Variants in LHFPL6 observed in about 807,000 individuals in gnomAD.
LHFPL6 encodes LHFPL tetraspan subfamily member 6 protein.
In LHFPL6, 9 loss-of-function variants were observed where a neutral mutation model predicts 20.6. That is an observed-to-expected ratio of 0.44 (90% CI 0.26 to 0.76). The LOEUF is 0.76. Among genes scored for constraint, LHFPL6 ranks in the 30% least tolerant of loss-of-function variants. The pLI, the probability that LHFPL6 is intolerant of heterozygous loss-of-function variation, is 0.20. For missense variants in LHFPL6, 218 were observed against 253.5 expected, an observed-to-expected ratio of 0.86 and a Z score of 0.95; for synonymous variants, 105 against 98.7, an observed-to-expected ratio of 1.06 and a Z score of -0.38.
intron 1 of LHFPL6, among the ~76,000 whole-genome samples, chr13:39,602,452 A>G (rs1009822570): frequency 1.3e-5 from 2 of 152,110 alleles, no homozygotes; most frequent in African/African-American, 2.4e-5. Flanking sequence ...AACTGCAGTC[A>G]GGGCTGAAGT....
At chr13:39,367,821 C>A (rs574093271) in intron 3 of LHFPL6, among the ~76,000 whole-genome samples, 6 of 152,300 alleles carry the variant, frequency 3.9e-5, no homozygotes, top group African/African-American at 1.4e-4. Context: ...GGTCTGGAGA[C>A]CTTAAGTTAA....
At chr13:39,373,897 GA>G (rs1870221755) in intron 3 of LHFPL6, among the ~76,000 whole-genome samples, 2 of 152,172 alleles carry the variant, frequency 1.3e-5, no homozygotes, top group African/African-American at 4.8e-5. Context: ...AGGCTATGGA[GA>G]AAAATGAATG....
intron 2 of LHFPL6, among the ~76,000 whole-genome samples, chr13:39,387,924 G>C (rs1870608478): frequency 6.6e-6 from 1 of 152,164 alleles, no homozygotes; most frequent in East Asian, 1.9e-4. Context: ...ACAAGGGATG[G>C]GCTCTTGGAA....
At chr13:39,362,942 AGAG>A (rs1409018821) in intron 3 of LHFPL6, among the ~76,000 whole-genome samples, 2 of 152,240 alleles carry the variant, frequency 1.3e-5, no homozygotes, top group Non-Finnish European at 2.9e-5. Flanking sequence ...GGAGCTGCCC[AGAG>A]GATGAGGGAA....
At chr13:39,400,978 G>A (rs1341401066) in intron 2 of LHFPL6, among the ~76,000 whole-genome samples, 1 of 151,976 alleles carries the variant, frequency 6.6e-6, no homozygotes, top group East Asian at 1.9e-4. Flanking sequence ...AAGTATTATA[G>A]AAAATTATAA....
intron 3 of LHFPL6, among the ~76,000 whole-genome samples, chr13:39,353,705 G>C (rs973615881): frequency 1.3e-5 from 2 of 152,136 alleles, no homozygotes; most frequent in African/African-American, 4.8e-5. Flanking sequence ...TCCAGCCTGG[G>C]CAACAGAACA....
intron 2 of LHFPL6, among the ~76,000 whole-genome samples, chr13:39,521,986 C>T (rs1335140252): frequency 6.6e-6 from 1 of 152,160 alleles, no homozygotes; most frequent in Non-Finnish European, 1.5e-5. Flanking sequence ...CCATTGGCTT[C>T]CCGATTGCTT....
chr13:39,531,390 C>T (rs745618215), intron 2 of LHFPL6, among the ~76,000 whole-genome samples: 2 of 151,992 alleles, frequency 1.3e-5, no homozygotes, highest in African/African-American at 2.4e-5. Flanking sequence ...CCTTTGGACA[C>T]ATAAAATTTT....
intron 2 of LHFPL6, among the ~76,000 whole-genome samples, chr13:39,510,877 T>TC (rs1374863434): frequency 1.3e-5 from 2 of 151,974 alleles, no homozygotes; most frequent in African/African-American, 4.8e-5. Flanking sequence ...TTTAAATTTT[T>TC]TTTTTTTCTT....
chr13:39,347,590 T>TC (rs2138333923), intron 3 of LHFPL6, among the ~76,000 whole-genome samples: 1 of 151,938 alleles, frequency 6.6e-6, no homozygotes, highest in African/African-American at 2.4e-5. Flanking sequence ...TGGGTAGGTC[T>TC]CACTGGCACA....
chr13:39,532,556 T>C (rs552426134), intron 2 of LHFPL6, among the ~76,000 whole-genome samples: 1 of 152,312 alleles, frequency 6.6e-6, no homozygotes, highest in East Asian at 1.9e-4. Flanking sequence ...CATGTATATA[T>C]CCCATGGGAC....
intron 2 of LHFPL6, among the ~76,000 whole-genome samples, chr13:39,425,251 T>G (rs1404872486): frequency 6.6e-6 from 1 of 152,224 alleles, no homozygotes; most frequent in Non-Finnish European, 1.5e-5. Flanking sequence ...TATCAATAGT[T>G]CATTCATCTT....
chr13:39,564,614 A>G (rs887404856), intron 2 of LHFPL6, among the ~76,000 whole-genome samples: 3 of 152,210 alleles, frequency 2.0e-5, no homozygotes, highest in African/African-American at 7.2e-5. Context: ...AAATTGCACT[A>G]CGCTATTATA....
chr13:39,345,091 T>G (rs1471255088), intron 3 of LHFPL6, among the ~76,000 whole-genome samples: 1 of 152,252 alleles, frequency 6.6e-6, no homozygotes, highest in African/African-American at 2.4e-5. Context: ...GGTCTTACCA[T>G]CTTATCAGAT....
intron 2 of LHFPL6, among the ~76,000 whole-genome samples, chr13:39,384,366 C>T (rs1247950656): frequency 6.6e-6 from 1 of 152,152 alleles, no homozygotes; most frequent in Non-Finnish European, 1.5e-5. Context: ...CAAATGTTAA[C>T]TAATTGTCTT....
chr13:39,549,218 A>G (rs1046951268), intron 2 of LHFPL6, among the ~76,000 whole-genome samples: 4 of 152,206 alleles, frequency 2.6e-5, no homozygotes, highest in Non-Finnish European at 5.9e-5. Flanking sequence ...CTGATTTTCA[A>G]CGAAAGTGCA....
rs142856585 is a variant in LHFPL6 at position 39,552,704 on chromosome 13, G to A, written c.385+48128C>T. Among the ~76,000 whole-genome samples, 764 of 152,316 alleles carry A rather than the reference G, an allele frequency of 5.0e-3. 5 individuals are homozygous for A. The highest frequency in any genetic ancestry group is 0.014 in the Admixed American group (212 of 15,304). ...GTAGGGACCAAGCACACCTTGCCAA[G>A]GGCAACATCTTGCAATGCACCAGCA... On this transcript the variant is annotated intron_variant, in intron 2 of 3. Transcript: ENST00000379589.
intron 2 of LHFPL6, among the ~76,000 whole-genome samples, chr13:39,518,988 G>C (rs945771368): frequency 6.6e-6 from 1 of 152,238 alleles, no homozygotes; most frequent in Non-Finnish European, 1.5e-5. Flanking sequence ...TGTAATTCCA[G>C]AACTTTGGGA....
At chr13:39,528,224 C>T (rs1239233278) in intron 2 of LHFPL6, among the ~76,000 whole-genome samples, 1 of 152,166 alleles carries the variant, frequency 6.6e-6, no homozygotes, top group African/African-American at 2.4e-5. Flanking sequence ...CTAATATGTT[C>T]TAGTCCTCTA....
Sources: gnomAD v4.1 joint callset for allele counts (sites outside exome capture counted in the v4.1 genomes callset) on GRCh38, gnomAD v4.1.1 for gene constraint, MANE v1.5 for transcripts, NCBI Gene and HGNC (gene_info 2026-07-23, HGNC 2026-07-21) for gene names.